ERBB4: variants seen among roughly 807,000 people sequenced by gnomAD.
The protein encoded by ERBB4 is erb-b2 receptor tyrosine kinase 4, also known as receptor tyrosine-protein kinase erbB-4.
A neutral mutation model predicts 158.0 loss-of-function variants in ERBB4; 42 were observed. The observed-to-expected ratio is 0.27, with a 90% CI of 0.21 to 0.34. The LOEUF (loss-of-function observed/expected upper bound fraction) is 0.34. Ranked by LOEUF, ERBB4 falls within the 10% of genes least tolerant of loss-of-function variation. The pLI, the probability that ERBB4 is intolerant of heterozygous loss-of-function variation, is 1.00. For synonymous variants in ERBB4, 583 were observed against 558.7 expected, an observed-to-expected ratio of 1.04 and a Z score of -0.61; for missense variants, 1,333 against 1,624.1, an observed-to-expected ratio of 0.82 and a Z score of 3.08.
intron 20 of ERBB4, among the ~76,000 whole-genome samples, chr2:211,439,197 C>G (rs1466457501): frequency 6.6e-6 from 1 of 152,178 alleles, no homozygotes; most frequent in Admixed American, 6.5e-5. Context: ...AAAATAGCTA[C>G]TTCCTGGACA....
intron 16 of ERBB4, among the ~76,000 whole-genome samples, chr2:211,634,179 A>G (rs997068998): frequency 2.6e-5 from 4 of 152,222 alleles, no homozygotes; most frequent in Admixed American, 6.5e-5. Flanking sequence ...AAAAATGCAG[A>G]AGAAAAAATC....
intron 3 of ERBB4, among the ~76,000 whole-genome samples, chr2:211,909,330 A>C (rs2079481069): frequency 6.6e-6 from 1 of 151,652 alleles, no homozygotes; most frequent in Non-Finnish European, 1.5e-5. Flanking sequence ...ATATCTATTT[A>C]TATATGGTCA....
At chr2:211,837,797 G>A (rs1396501194) in intron 3 of ERBB4, among the ~76,000 whole-genome samples, 1 of 152,108 alleles carries the variant, frequency 6.6e-6, no homozygotes, top group East Asian at 1.9e-4. Flanking sequence ...GTCATTTTCT[G>A]TGGATAATAT....
At chr2:211,484,035 C>A (rs1489125380) in intron 20 of ERBB4, among the ~76,000 whole-genome samples, 1 of 152,090 alleles carries the variant, frequency 6.6e-6, no homozygotes, top group African/African-American at 2.4e-5. Flanking sequence ...AATTTAAAAT[C>A]AGTATATCTC....
intron 2 of ERBB4, among the ~76,000 whole-genome samples, chr2:212,063,549 T>C (rs964469696): frequency 1.3e-5 from 2 of 152,054 alleles, no homozygotes; most frequent in African/African-American, 4.8e-5. Context: ...AATATAAATG[T>C]ATATTTTTAC....
At chr2:211,485,699 C>G (rs1007544420) in intron 20 of ERBB4, among the ~76,000 whole-genome samples, 4 of 139,392 alleles carry the variant, frequency 2.9e-5, no homozygotes, top group South Asian at 2.3e-4. Flanking sequence ...TGTCGCACCC[C>G]AAACTCAGTG....
chr2:211,812,106 G>T (rs372915839), intron 3 of ERBB4, among the ~76,000 whole-genome samples: 1 of 152,134 alleles, frequency 6.6e-6, no homozygotes, highest in African/African-American at 2.4e-5. Context: ...GAGAAGACGC[G>T]CTCTGCTTTT....
chr2:211,496,400 A>G (rs1200148634), intron 20 of ERBB4, among the ~76,000 whole-genome samples: 1 of 151,922 alleles, frequency 6.6e-6, no homozygotes, highest in African/African-American at 2.4e-5. Flanking sequence ...ATCTCTGCCA[A>G]ATCAGGCTAT....
At chr2:212,221,122 G>A (rs1574462480) in intron 1 of ERBB4, among the ~76,000 whole-genome samples, 1 of 151,378 alleles carries the variant, frequency 6.6e-6, no homozygotes, top group East Asian at 1.9e-4. Context: ...GGTGGTTTTT[G>A]AGTGGCAGTC....
chr2:212,041,344 T>A (rs1289929871), intron 2 of ERBB4, among the ~76,000 whole-genome samples: 1 of 151,726 alleles, frequency 6.6e-6, no homozygotes, highest in African/African-American at 2.4e-5. Flanking sequence ...CTAATGAGTA[T>A]AAAAAAAATT....
chr2:212,531,080 T>C (rs1479617955), intron 1 of ERBB4, among the ~76,000 whole-genome samples: 1 of 152,216 alleles, frequency 6.6e-6, no homozygotes, highest in Non-Finnish European at 1.5e-5. Flanking sequence ...GATCCTGTGT[T>C]ACTTCTCATG....
intron 20 of ERBB4, among the ~76,000 whole-genome samples, chr2:211,449,507 T>C (rs536686270): frequency 6.6e-6 from 1 of 152,294 alleles, no homozygotes; most frequent in East Asian, 1.9e-4. Flanking sequence ...TAGTAGCTTA[T>C]ATTCACTTTT....
chr2:211,394,799 G>A (rs1021837852), intron 25 of ERBB4, among the ~76,000 whole-genome samples: 5 of 151,808 alleles, frequency 3.3e-5, no homozygotes, highest in East Asian at 3.9e-4. Flanking sequence ...GCACTGGATC[G>A]GGCAACTTTT....
At chr2:212,155,536 A>G (rs2125636751) in intron 1 of ERBB4, among the ~76,000 whole-genome samples, 1 of 152,228 alleles carries the variant, frequency 6.6e-6, no homozygotes, top group Non-Finnish European at 1.5e-5. Context: ...TGGAGGCGGC[A>G]CCCATAATTC....
At chr2:212,467,305 G>A (rs978114459) in intron 1 of ERBB4, among the ~76,000 whole-genome samples, 1 of 152,188 alleles carries the variant, frequency 6.6e-6, no homozygotes, top group Non-Finnish European at 1.5e-5. Context: ...TCCAGTGCAA[G>A]TCAGAGACCT....
chr2:211,388,449 G>A (rs1302192654), intron 25 of ERBB4, among the ~76,000 whole-genome samples: 3 of 152,080 alleles, frequency 2.0e-5, no homozygotes, highest in African/African-American at 7.2e-5. Flanking sequence ...ATTTCGATTT[G>A]CCTGGACTAA....
intron 1 of ERBB4, among the ~76,000 whole-genome samples, chr2:212,220,908 C>T (rs777585610): frequency 3.3e-5 from 5 of 151,462 alleles, no homozygotes; most frequent in Non-Finnish European, 7.4e-5. Context: ...TTTATTTTTG[C>T]TACTTTTGAG....
chr2:212,407,795 C>T (rs995276773), intron 1 of ERBB4, among the ~76,000 whole-genome samples: 1 of 151,986 alleles, frequency 6.6e-6, no homozygotes, highest in Admixed American at 6.6e-5. Flanking sequence ...ACATATTATA[C>T]TATTCTAGTT....
chr2:211,828,961 C>A (rs947400903), intron 3 of ERBB4, among the ~76,000 whole-genome samples: 1 of 152,114 alleles, frequency 6.6e-6, no homozygotes, highest in Non-Finnish European at 1.5e-5. Flanking sequence ...TTGCTGGTAC[C>A]AACCACTCTC....
Sources: gnomAD v4.1 joint callset for allele counts (sites outside exome capture counted in the v4.1 genomes callset) on GRCh38, gnomAD v4.1.1 for gene constraint, MANE v1.5 for transcripts, NCBI Gene and HGNC (gene_info 2026-07-23, HGNC 2026-07-21) for gene names.